Variants in LAMC1 observed in about 807,000 individuals in gnomAD.
LAMC1 encodes laminin subunit gamma 1.
In LAMC1, 38 loss-of-function variants were observed where a neutral mutation model predicts 173.6. The ratio of observed to expected loss-of-function variants is 0.22; its 90% CI spans 0.17 to 0.29. The LOEUF (loss-of-function observed/expected upper bound fraction) is 0.29, where lower values mean the gene tolerates loss of function less well. Ranked by LOEUF, LAMC1 falls within the 10% of genes least tolerant of loss-of-function variation. The pLI is 1.00. For synonymous variants in LAMC1, 746 were observed against 749.1 expected (o/e 1.00, Z 0.07); for missense variants, 1,824 against 2,051.8 (o/e 0.89, Z 2.14).
chr1:183,068,679 T>A (rs940397552), intron 1 of LAMC1, among the ~76,000 whole-genome samples: 3 of 152,112 alleles, frequency 2.0e-5, no homozygotes, highest in African/African-American at 7.2e-5. Flanking sequence ...CGGTAGCTCA[T>A]GCCTGTAATC....
At chr1:183,040,757 G>A (rs1377167890) in intron 1 of LAMC1, among the ~76,000 whole-genome samples, 2 of 152,266 alleles carry the variant, frequency 1.3e-5, no homozygotes, top group East Asian at 3.9e-4. Context: ...ATTAAAAGAT[G>A]ATTTTATGCA....
rs764548134 is a variant in LAMC1 at position 183,131,352 on chromosome 1, A to G, written c.3540A>G (p.Ala1180=). The G allele has an allele frequency of 5.6e-6, 9 of 1,613,880 alleles. No individual in the cohort carries two copies. The highest frequency in any genetic ancestry group is 2.2e-5 in the East Asian group (1 of 44,860). Residue 1180 remains alanine, a synonymous_variant, in exon 20 of 28, where the codon GCA becomes GCG. Transcript: ENST00000258341. ...TGDPNNMTLL[A]EEARKLAERH... ...ACCCAAACAACATGACTCTTTTGGC[A>G]GAAGAGGCTCGAAAGCTTGCTGAAC...
rs1396309484 is a variant in LAMC1, at chr1:183,136,441, G to A, written c.4170G>A (p.Lys1390=). ...CGGCCGCAGAGGAGGCACTAAGGAA[G>A]ATTCCTGCCATCAACCAGACCATCA... ...NKTAAEEALR[K]IPAINQTITE... is the part of the protein sequence containing the mutation. Residue 1390 remains lysine, a synonymous_variant, in exon 25 of 28, where the codon AAG becomes AAA. Coordinates refer to ENST00000258341, the MANE Select transcript of LAMC1 (RefSeq NM_002293.4). The A allele has an allele frequency of 1.2e-6, 2 of 1,614,202 alleles. No homozygotes were observed. The highest frequency in any genetic ancestry group is 1.1e-5 in the South Asian group (1 of 91,084).
At chr1:183,055,113 C>T (rs540491755) in intron 1 of LAMC1, among the ~76,000 whole-genome samples, 22 of 151,924 alleles carry the variant, frequency 1.4e-4, no homozygotes, top group African/African-American at 3.9e-4. Flanking sequence ...CTCAGCCTCC[C>T]GAGTAGCTGG....
intron 1 of LAMC1, among the ~76,000 whole-genome samples, chr1:183,043,775 T>C (rs1204437881): frequency 6.6e-6 from 1 of 152,200 alleles, no homozygotes; most frequent in Non-Finnish European, 1.5e-5. Context: ...TGTAAAAAGG[T>C]GTTGCCTTTT....
chr1:183,098,686 A>G lies in LAMC1; in HGVS notation c.419-4642A>G, dbSNP rs529857241. Among the ~76,000 whole-genome samples the G allele has an allele frequency of 1.2e-4, 19 of 152,324 alleles. No individual in the cohort carries two copies. The South Asian group carries it at 3.9e-3, about 32-fold the overall frequency. ...CCTGTCTTTGCCGCCAGTCTTGAGC[A>G]GGTATCCTTGATTTTCACTACACAG... is the stretch of plus-strand genomic sequence containing the variant. On this transcript the variant is annotated intron_variant, in intron 1 of 27. Transcript: ENST00000258341.
At chr1:183,131,401 A>G (rs1656782634) in intron 20 of LAMC1, 23 bp downstream of exon 20, 1 of 1,509,262 alleles carries the variant, frequency 6.6e-7, no homozygotes, top group African/African-American at 1.4e-5. Context: ...TCCCTGTTTA[A>G]TGGTTAAGTT....
chr1:183,101,934 TGAAGAATG>T lies in LAMC1; in HGVS notation c.419-1393_419-1386del, dbSNP rs567986916. ...AGTTTTATTATAGAGAACGCTCAGT[TGAAGAATG>T]TGGCCTGGACACATAGCTCGCATGG... On this transcript the variant is annotated intron_variant, in intron 1 of 27. Transcript: ENST00000258341. Among the ~76,000 whole-genome samples, 21 of 152,276 alleles carry T rather than the reference TGAAGAATG, an allele frequency of 1.4e-4. 1 individual carries two copies. The South Asian group carries it at 4.1e-3, about 30-fold the overall frequency.
chr1:183,046,999 C>T (rs555657259), intron 1 of LAMC1, among the ~76,000 whole-genome samples: 1 of 152,210 alleles, frequency 6.6e-6, no homozygotes, highest in African/African-American at 2.4e-5. Flanking sequence ...ATGATACTAA[C>T]AGTTTCTTTC....
intron 1 of LAMC1, among the ~76,000 whole-genome samples, chr1:183,060,061 T>C (rs979623870): frequency 2.0e-5 from 3 of 152,146 alleles, no homozygotes; most frequent in African/African-American, 7.2e-5. Context: ...GCTCTGTTGA[T>C]TTTGAAAGGA....
intron 1 of LAMC1, among the ~76,000 whole-genome samples, chr1:183,094,290 A>G (rs1322185078): frequency 6.6e-6 from 1 of 152,070 alleles, no homozygotes; most frequent in African/African-American, 2.4e-5. Context: ...CTTCTTCAGG[A>G]CTCTGCTCAG....
intron 1 of LAMC1, among the ~76,000 whole-genome samples, chr1:183,041,938 T>C (rs948489299): frequency 2.0e-5 from 3 of 152,190 alleles, no homozygotes; most frequent in African/African-American, 7.2e-5. Flanking sequence ...GGTTTTCCCA[T>C]GATGGAATTT....
chr1:183,071,512 C>G (rs1276242029), intron 1 of LAMC1, among the ~76,000 whole-genome samples: 1 of 151,636 alleles, frequency 6.6e-6, no homozygotes, highest in Admixed American at 6.6e-5. Flanking sequence ...GCTTGCTAAG[C>G]TTTGAAACCA....
chr1:183,083,566 A>G (rs1435124542), intron 1 of LAMC1, among the ~76,000 whole-genome samples: 1 of 152,220 alleles, frequency 6.6e-6, no homozygotes, highest in Non-Finnish European at 1.5e-5. Flanking sequence ...GAAATTTACT[A>G]TATAAGTATG....
Position 183,142,622 on chromosome 1 carries a change from T to C in LAMC1, c.4662T>C (p.Leu1554=). ...AAGATGAAATGAAGGTCAGCGATCTTGATAGGAAAGTGTCTGACCTGGAGA... is the reference window on the plus strand; with the variant it reads ...AAGATGAAATGAAGGTCAGCGATCTCGATAGGAAAGTGTCTGACCTGGAGA... ...KAKDEMKVSD[L]DRKVSDLENE... The change falls in exon 28 of 28, where the codon CTT becomes CTC. Residue 1554 remains leucine (L), a synonymous_variant. Transcript: ENST00000258341. 6.2e-7 allele frequency: 1 copy of C among 1,614,124 alleles called. No homozygotes were observed. The highest frequency in any genetic ancestry group is 1.7e-4 in the Middle Eastern group (1 of 6,058).
chr1:183,044,422 C>T (rs1393032606), intron 1 of LAMC1, among the ~76,000 whole-genome samples: 1 of 152,048 alleles, frequency 6.6e-6, no homozygotes, highest in African/African-American at 2.4e-5. Context: ...TTCATATGCA[C>T]CCAGCGTGGG....
intron 1 of LAMC1, among the ~76,000 whole-genome samples, chr1:183,076,998 C>T (rs932495556): frequency 8.5e-5 from 13 of 152,222 alleles, no homozygotes; most frequent in Non-Finnish European, 1.9e-4. Flanking sequence ...TGACTTTTCA[C>T]TGCGGTCTCT....
chr1:183,068,707 T>C (rs937219505), intron 1 of LAMC1, among the ~76,000 whole-genome samples: 4 of 152,086 alleles, frequency 2.6e-5, no homozygotes, highest in African/African-American at 9.7e-5. Flanking sequence ...TTTGGAAGGC[T>C]GAGGTGGGTG....
intron 23 of LAMC1, 67 bp from the exon 24 acceptor site, chr1:183,134,975 T>C (rs894590608): frequency 2.8e-6 from 4 of 1,409,734 alleles, no homozygotes; most frequent in Non-Finnish European, 3.0e-6. Context: ...TGGAGAGCCT[T>C]GTCTGTCCAG....
Sources: gnomAD v4.1 joint callset for allele counts (sites outside exome capture counted in the v4.1 genomes callset) on GRCh38, gnomAD v4.1.1 for gene constraint, MANE v1.5 for transcripts, NCBI Gene and HGNC (gene_info 2026-07-23, HGNC 2026-07-21) for gene names.